DNAH12: variants seen among roughly 807,000 people sequenced by gnomAD.
DNAH12 encodes the protein axonemal beta dynein heavy chain 12.
DNAH12 carries 285 observed loss-of-function variants against 371.5 expected under a neutral mutation model. The observed-to-expected ratio is 0.77, with a 90% CI of 0.70 to 0.85. The LOEUF (loss-of-function observed/expected upper bound fraction) is 0.85, where lower values mean the gene tolerates loss of function less well. Among genes scored for constraint, DNAH12 ranks in the 40% least tolerant of loss-of-function variants. The pLI is 0.00. For missense variants in DNAH12, 3,611 were observed against 3,689.4 expected (o/e 0.98, Z 0.55); for synonymous variants, 1,200 against 1,213.0 (o/e 0.99, Z 0.22).
intron 12 of DNAH12, among the ~76,000 whole-genome samples, chr3:57,485,048 G>C (rs111734580): frequency 2.0e-5 from 3 of 152,198 alleles, no homozygotes; most frequent in Non-Finnish European, 4.4e-5. Context: ...TGTTGGCATG[G>C]ATGTGGTGAA....
At chr3:57,356,230 C>A (rs2062795574) in intron 59 of DNAH12, among the ~76,000 whole-genome samples, 1 of 151,940 alleles carries the variant, frequency 6.6e-6, no homozygotes, top group Non-Finnish European at 1.5e-5. Flanking sequence ...TTTCTTGAGT[C>A]CAGGAGTTCG....
Position 57,338,638 on chromosome 3 carries a change from T to C in DNAH12, c.9675-3698A>G, listed in dbSNP as rs190355889. 1.3e-3 allele frequency among the ~76,000 whole-genome samples: 183 copies of C among 143,380 alleles called. 1 individual carries two copies. Among genetic ancestry groups the C allele is most frequent in the Non-Finnish European group, 2.2e-3 (149 of 66,332 alleles). 94.1% of individuals were successfully genotyped at this position (143,380 alleles called of 152,430 possible). On this transcript the variant is annotated intron_variant, in intron 60 of 73. Transcript: ENST00000495027. ...AGCATCTCTGCCTGGCCGCCCCGTC[T>C]AGAAAGTGAGGAGCGCCTCTGCCCG...
In DNAH12 at chr3:57,471,528, CT is replaced by C; in HGVS notation, c.1854del (p.Glu619AsnfsTer21). On this transcript the variant is annotated frameshift_variant, in exon 15 of 74. Transcript: ENST00000495027. LOFTEE classifies it high-confidence loss of function. ...KREKLILEIE[K>X]ESRRMEEFTE... ...GTAAACTCCTCCATGCGGCGTGATT[CT>C]TTTTCTATTTCCAAAATAAGTTTCT... 1 of 1,549,422 alleles carries C rather than the reference CT, an allele frequency of 6.5e-7. No homozygotes were observed. The highest frequency in any genetic ancestry group is 2.0e-5 in the Admixed American group (1 of 50,160).
intron 70 of DNAH12, among the ~76,000 whole-genome samples, chr3:57,297,461 T>G (rs1318269985): frequency 6.6e-6 from 1 of 151,912 alleles, no homozygotes; most frequent in East Asian, 1.9e-4. Flanking sequence ...GTTCGAGTGA[T>G]TCTCCTGTCT....
upstream of DNAH12, among the ~76,000 whole-genome samples, chr3:57,547,338 T>C (rs1191248982): frequency 2.0e-5 from 3 of 151,960 alleles, no homozygotes; most frequent in Admixed American, 1.3e-4. Flanking sequence ...AAAATTTTAT[T>C]ATAGAGACAA....
chr3:57,437,194 T>A, intron 29 of DNAH12, 134 bp from the exon 30 acceptor site: 1 of 661,846 alleles, frequency 1.5e-6, no homozygotes. Flanking sequence ...AAAACTTTAT[T>A]ATTTTTTCAA....
Position 57,405,886 on chromosome 3 carries a change from G to T in DNAH12, c.6343C>A (p.Arg2115Ser), listed in dbSNP as rs890477871. Residue 2115 changes from arginine (R) to serine (S), a missense_variant, in exon 41 of 74, where the codon CGT (arginine) becomes AGT (serine). Transcript: ENST00000495027. ...CCCCGGATGACGCGTGAAAAATCAC[G>T]CAAGTTGAAAGTATAATGGGATTTT... ...PTKSHYTFNL[R>S]DFSRVIRGCL... 7 of 1,551,238 alleles carry T rather than the reference G, an allele frequency of 4.5e-6. No individual in the cohort carries two copies. The South Asian group carries it at 5.9e-5, about 13-fold the overall frequency.
Position 57,487,308 on chromosome 3 carries a change from G to GAAGGAAGGGA in DNAH12, c.1514+2200_1514+2201insTCCCTTCCTT, listed in dbSNP as rs10529405. On this transcript the variant is annotated intron_variant, in intron 12 of 73. Transcript: ENST00000495027. Reference sequence around the variant, plus strand: ...GGAAGAAAGGAAGGAAGGAAGGAAGGGAGAGAGAGAGAGAAAGGGAGGGAG... The same window carrying GAAGGAAGGGA: ...GGAAGAAAGGAAGGAAGGAAGGAAGGAAGGAAGGGAGAGAGAGAGAGAGAAAGGGAGGGAG... 5.3e-5 allele frequency among the ~76,000 whole-genome samples: 6 copies of GAAGGAAGGGA among 114,052 alleles called. No homozygotes were observed. The East Asian group carries it at 8.2e-4, about 16-fold the overall frequency. The allele number at this position is 114,052 out of a possible 152,430, so 74.8% of individuals were successfully genotyped here.
At chr3:57,487,502 G>A (rs2066974060) in intron 12 of DNAH12, among the ~76,000 whole-genome samples, 1 of 152,146 alleles carries the variant, frequency 6.6e-6, no homozygotes, top group Admixed American at 6.5e-5. Flanking sequence ...TGCTAGTGCA[G>A]AATCTGAGTC....
intron 2 of DNAH12, among the ~76,000 whole-genome samples, chr3:57,531,447 G>C (rs1357609808): frequency 1.3e-5 from 2 of 151,900 alleles, no homozygotes; most frequent in Non-Finnish European, 1.5e-5. Flanking sequence ...TTATCTTTGA[G>C]CTTTGGGAGT....
intron 12 of DNAH12, among the ~76,000 whole-genome samples, chr3:57,487,985 C>G (rs896424880): frequency 6.6e-6 from 1 of 150,932 alleles, no homozygotes; most frequent in Non-Finnish European, 1.5e-5. Context: ...AATACTTTAC[C>G]CTCTTTGATA....
At chr3:57,322,272 A>G (rs1013151849) in intron 65 of DNAH12, 71 bp downstream of exon 65, 1 of 1,404,006 alleles carries the variant, frequency 7.1e-7, no homozygotes. Context: ...AGCATTATTA[A>G]ACAAAATTTT....
At chr3:57,339,254 T>C (rs1275086455) in intron 60 of DNAH12, among the ~76,000 whole-genome samples, 1 of 151,808 alleles carries the variant, frequency 6.6e-6, no homozygotes, top group Non-Finnish European at 1.5e-5. Flanking sequence ...GGCCGCAGGG[T>C]CCTCTGCCTA....
intron 2 of DNAH12, among the ~76,000 whole-genome samples, chr3:57,534,508 CTTTT>C (rs35588123): frequency 1.2e-3 from 127 of 108,816 alleles, no homozygotes; most frequent in African/African-American, 4.4e-3. Context: ...TGTTAGCTAG[CTTTT>C]TTTTTTTTTT....
chr3:57,330,053 T>C (rs2062055806), intron 62 of DNAH12, among the ~76,000 whole-genome samples: 2 of 151,588 alleles, frequency 1.3e-5, no homozygotes, highest in South Asian at 4.2e-4. Flanking sequence ...CATTAAAAAG[T>C]CAGGAAACAA....
In DNAH12 at chr3:57,386,554, G is replaced by A. The variant is rs892590653; in HGVS notation, c.7489C>T (p.Leu2497Phe). Reference sequence around the variant, plus strand: ...TGTCGAAATGAGCCAATGAGTTCAAGATAAGAAGTAGCAGTAACATAGTTA... The same window carrying A: ...TGTCGAAATGAGCCAATGAGTTCAAAATAAGAAGTAGCAGTAACATAGTTA... ...RHNYVTATSY[L>F]ELIGSFRQLL... The change falls in exon 47 of 74, where the codon CTT becomes TTT. Residue 2497 changes from leucine (L) to phenylalanine (F), a missense_variant. Physicochemically the swap from Leu to Phe is conservative, Grantham distance 22 (BLOSUM62 0). This residue lies in a region of DNAH12 where 2,266 missense variants were observed against 2,236.9 expected (regional missense o/e 1.01). Transcript: ENST00000495027. 4 of 152,194 alleles carry A rather than the reference G, an allele frequency of 2.6e-5. No individual in the cohort carries two copies. Among genetic ancestry groups the A allele is most frequent in the African/African-American group, 9.7e-5 (4 of 41,450 alleles). The allele number at this position is 152,194 out of a possible 1,614,324, so 9.4% of individuals were successfully genotyped here.
chr3:57,331,828 T>TA (rs1437075860), intron 62 of DNAH12, among the ~76,000 whole-genome samples: 1 of 152,126 alleles, frequency 6.6e-6, no homozygotes, highest in African/African-American at 2.4e-5. Context: ...AGAACCCTGC[T>TA]AGCCAGTTTA....
At chr3:57,495,950 A>G (rs1326486713) in intron 11 of DNAH12, among the ~76,000 whole-genome samples, 1 of 145,176 alleles carries the variant, frequency 6.9e-6, no homozygotes, top group Non-Finnish European at 1.5e-5. Flanking sequence ...TATTTTATCT[A>G]TTTATATATT....
At chr3:57,323,693 C>A in intron 62 of DNAH12, 74 bp from the exon 63 acceptor site, 1 of 1,376,250 alleles carries the variant, frequency 7.3e-7, no homozygotes, top group South Asian at 1.8e-5. Context: ...TATTGAAAAA[C>A]AACAAAGAAT....
Sources: allele counts gnomAD v4.1 joint callset (sites outside exome capture counted in the v4.1 genomes callset), GRCh38; gene constraint gnomAD v4.1.1; regional missense constraint gnomAD v4.1.1; transcripts MANE v1.5; gene names NCBI Gene and HGNC (gene_info 2026-07-23, HGNC 2026-07-21).